ZNRF1: variants seen among roughly 807,000 people sequenced by gnomAD.
The protein encoded by ZNRF1 is E3 ubiquitin-protein ligase ZNRF1.
In ZNRF1, 3 loss-of-function variants were observed where a neutral mutation model predicts 18.4. The observed-to-expected ratio is 0.16, with a 90% CI of 0.07 to 0.42. The LOEUF (loss-of-function observed/expected upper bound fraction) is 0.42. Among genes scored for constraint, ZNRF1 ranks in the 10% least tolerant of loss-of-function variants. ZNRF1 has a pLI of 0.99. For synonymous variants in ZNRF1, 157 were observed against 144.2 expected (o/e 1.09, Z -0.64); for missense variants, 310 against 329.8 (o/e 0.94, Z 0.47).
chr16:75,064,613 A>G (rs2035780683), intron 1 of ZNRF1, among the ~76,000 whole-genome samples: 1 of 151,758 alleles, frequency 6.6e-6, no homozygotes, highest in Non-Finnish European at 1.5e-5. Context: ...ATTAAATGCA[A>G]CAATGTAAAT....
chr16:75,012,705 G>A (rs2145325614), intron 1 of ZNRF1, among the ~76,000 whole-genome samples: 1 of 152,270 alleles, frequency 6.6e-6, no homozygotes, highest in African/African-American at 2.4e-5. Flanking sequence ...GTGAGTTTTA[G>A]CTGTTTTCAA....
rs111557839 is a variant in ZNRF1, at chr16:75,088,188, G to A, written c.425-5384G>A. 6.9e-3 allele frequency among the ~76,000 whole-genome samples: 1,057 copies of A among 152,242 alleles called. 11 individuals are homozygous for A. The highest frequency in any genetic ancestry group is 0.024 in the African/African-American group (998 of 41,548). ...TATCACAGGATTTATCATTCTGTAG[G>A]GCTGTAGTGGACGCTTATGGGAAAA... On this transcript the variant is annotated intron_variant, in intron 1 of 4. Transcript: ENST00000335325.
At chr16:75,106,164 C>G (rs889263973) in intron 3 of ZNRF1, 2 of 314,914 alleles carry the variant, frequency 6.4e-6, no homozygotes, top group African/African-American at 4.2e-5. Flanking sequence ...CACCTTCTCA[C>G]TGGTGGCTGC....
intron 1 of ZNRF1, among the ~76,000 whole-genome samples, chr16:75,076,066 A>C (rs1171874226): frequency 6.6e-6 from 1 of 152,198 alleles, no homozygotes; most frequent in Non-Finnish European, 1.5e-5. Context: ...GCAAATATCA[A>C]ACAACCCTGA....
chr16:75,106,273 C>G, intron 3 of ZNRF1: 1 of 579,362 alleles, frequency 1.7e-6, no homozygotes, highest in South Asian at 2.0e-5. Context: ...GTACTGCTGC[C>G]TCCACCTGGG....
rs59324869 is a variant in ZNRF1 at position 75,043,790 on chromosome 16, C to CTTTTTTTT, written c.424+43704_424+43711dup. On this transcript the variant is annotated intron_variant, in intron 1 of 4. Coordinates refer to ENST00000335325, the MANE Select transcript of ZNRF1 (RefSeq NM_032268.5). ...AGGAGCCAGCCATTCTTGCTTTGTA[C>CTTTTTTTT]TTTTTTTTTTTTTTTTGAGACAGAG... 9.3e-5 allele frequency among the ~76,000 whole-genome samples: 7 copies of CTTTTTTTT among 75,170 alleles called. 1 individual carries two copies. Among genetic ancestry groups the CTTTTTTTT allele is most frequent in the Non-Finnish European group, 1.3e-4 (5 of 38,390 alleles). The allele number at this position is 75,170 out of a possible 152,430, so 49.3% of individuals were successfully genotyped here. A position where few individuals can be genotyped will look rare whatever the true frequency, so the allele number is the denominator to read the frequency against.
intron 1 of ZNRF1, among the ~76,000 whole-genome samples, chr16:75,060,995 T>C (rs910128011): frequency 1.3e-5 from 2 of 152,196 alleles, no homozygotes; most frequent in Non-Finnish European, 2.9e-5. Context: ...TATGAAGCTC[T>C]GATTAAAAAA....
intron 1 of ZNRF1, among the ~76,000 whole-genome samples, chr16:75,006,628 G>T (rs1422184314): frequency 6.6e-6 from 1 of 152,100 alleles, no homozygotes; most frequent in Non-Finnish European, 1.5e-5. Flanking sequence ...TAGAGACAGG[G>T]TTTCACCATG....
chr16:75,028,390 T>G (rs2035254135), intron 1 of ZNRF1, among the ~76,000 whole-genome samples: 1 of 152,102 alleles, frequency 6.6e-6, no homozygotes, highest in Non-Finnish European at 1.5e-5. Context: ...GTCTCCTGGG[T>G]TCAAGTGATT....
rs978027267 is a variant in ZNRF1 at position 75,079,841 on chromosome 16, G to A, written c.425-13731G>A. ...ACAGGGTACCAGGACTGGGTCCAAG[G>A]CAGGAAGGTAGCCTGTAGTGTAGCT... is the stretch of plus-strand genomic sequence containing the variant. On this transcript the variant is annotated intron_variant, in intron 1 of 4. Transcript: ENST00000335325. Among the ~76,000 whole-genome samples, 10 of 152,368 alleles carry A rather than the reference G, an allele frequency of 6.6e-5. 1 individual carries two copies. Among genetic ancestry groups the A allele is most frequent in the South Asian group, 6.2e-4 (3 of 4,832 alleles).
rs117198635 is a variant in ZNRF1 at position 75,082,465 on chromosome 16, C to T, written c.425-11107C>T. 5.0e-3 allele frequency among the ~76,000 whole-genome samples: 755 copies of T among 152,346 alleles called. 2 individuals carry two copies. Among genetic ancestry groups the T allele is most frequent in the Non-Finnish European group, 7.7e-3 (522 of 68,036 alleles). On this transcript the variant is annotated intron_variant, in intron 1 of 4. Coordinates refer to ENST00000335325, the MANE Select transcript of ZNRF1 (RefSeq NM_032268.5). ...GCAGGGTGGGTTTGATGTCTTCACG[C>T]TCACCTCCATGCACACAGTGTGCAG...
intron 1 of ZNRF1, among the ~76,000 whole-genome samples, chr16:75,069,954 G>C (rs2035850511): frequency 6.6e-6 from 1 of 152,126 alleles, no homozygotes. Flanking sequence ...AGTTGCCCAA[G>C]CGAGCTGCTT....
At chr16:75,015,436 G>A (rs1268191799) in intron 1 of ZNRF1, among the ~76,000 whole-genome samples, 15 of 152,182 alleles carry the variant, frequency 9.9e-5, no homozygotes, top group African/African-American at 2.9e-4. Flanking sequence ...TGAGCTGGGC[G>A]TGGTGGCACA....
At chr16:75,079,513 C>G (rs936452393) in intron 1 of ZNRF1, among the ~76,000 whole-genome samples, 1 of 152,030 alleles carries the variant, frequency 6.6e-6, no homozygotes, top group Non-Finnish European at 1.5e-5. Flanking sequence ...TTTGACCCAT[C>G]GGTCAGGCCC....
rs147687030 is a variant in ZNRF1 at position 75,032,144 on chromosome 16, C to T, written c.424+32049C>T. On this transcript the variant is annotated intron_variant, in intron 1 of 4. Transcript: ENST00000335325. ...TTTTTTTTTGATACGGAGTCTTGCT[C>T]TGTCGCCCAGGCTGGAGTGCAGTGG... is the stretch of plus-strand genomic sequence containing the variant. 7.2e-3 allele frequency among the ~76,000 whole-genome samples: 870 copies of T among 120,786 alleles called. 9 individuals are homozygous for T. Among genetic ancestry groups the T allele is most frequent in the African/African-American group, 0.028 (847 of 30,434 alleles). The allele number at this position is 120,786 out of a possible 152,430, so 79.2% of individuals were successfully genotyped here. A position where few individuals can be genotyped will look rare whatever the true frequency, so the allele number is the denominator to read the frequency against.
intron 1 of ZNRF1, among the ~76,000 whole-genome samples, chr16:75,047,866 C>A (rs1376979347): frequency 6.6e-6 from 1 of 152,102 alleles, no homozygotes; most frequent in Non-Finnish European, 1.5e-5. Context: ...TCTTCTGAGG[C>A]CTCTTTCCTT....
intron 1 of ZNRF1, among the ~76,000 whole-genome samples, chr16:75,043,618 C>T (rs1484307375): frequency 1.3e-5 from 2 of 151,990 alleles, no homozygotes; most frequent in Non-Finnish European, 2.9e-5. Flanking sequence ...AGACATGGTT[C>T]TTGCCCTCAT....
intron 1 of ZNRF1, among the ~76,000 whole-genome samples, chr16:75,090,515 G>C (rs1174964872): frequency 6.6e-6 from 1 of 152,080 alleles, no homozygotes; most frequent in Admixed American, 6.6e-5. Flanking sequence ...ACCACACCAG[G>C]CCTGGTCTTC....
At chr16:75,043,981 T>C (rs2035483028) in intron 1 of ZNRF1, among the ~76,000 whole-genome samples, 1 of 151,798 alleles carries the variant, frequency 6.6e-6, no homozygotes, top group Admixed American at 6.6e-5. Context: ...TACTGGCTAA[T>C]TTTGTGTTTG....
Sources: allele counts gnomAD v4.1 joint callset (sites outside exome capture counted in the v4.1 genomes callset), GRCh38; gene constraint gnomAD v4.1.1; transcripts MANE v1.5; gene names NCBI Gene and HGNC (gene_info 2026-07-23, HGNC 2026-07-21).